Variants in SLC1A1 observed in about 807,000 individuals in gnomAD.
The protein encoded by SLC1A1 is solute carrier family 1 member 1, also known as excitatory amino acid transporter 3.
In SLC1A1, 43 loss-of-function variants were observed where a neutral mutation model predicts 53.3. The observed-to-expected ratio is 0.81, with a 90% confidence interval of 0.63 to 1.04. The LOEUF (loss-of-function observed/expected upper bound fraction) is 1.04, where lower values mean the gene tolerates loss of function less well. Among genes scored for constraint, SLC1A1 ranks in the 50% least tolerant of loss-of-function variants. SLC1A1 has a pLI of 0.00. For missense variants in SLC1A1, 748 were observed against 664.9 expected, an observed-to-expected ratio of 1.12 and a Z score of -1.37; for synonymous variants, 307 against 243.2, an observed-to-expected ratio of 1.26 and a Z score of -2.44.
At chr9:4,524,338 A>G (rs1308455335) in intron 1 of SLC1A1, among the ~76,000 whole-genome samples, 1 of 152,224 alleles carries the variant, frequency 6.6e-6, no homozygotes, top group African/African-American at 2.4e-5. Flanking sequence ...AGTTGAGCTA[A>G]TATGAATTGG....
chr9:4,504,011 G>T (rs1375557198), intron 1 of SLC1A1, among the ~76,000 whole-genome samples: 1 of 152,242 alleles, frequency 6.6e-6, no homozygotes, highest in Non-Finnish European at 1.5e-5. Flanking sequence ...CAGAAGAAGA[G>T]CAAGTCTGGT....
intron 2 of SLC1A1, among the ~76,000 whole-genome samples, chr9:4,546,400 G>A (rs1817497454): frequency 6.6e-6 from 1 of 151,892 alleles, no homozygotes; most frequent in South Asian, 2.1e-4. Context: ...AAGATTTCAT[G>A]TAAATATCCA....
chr9:4,514,137 A>G (rs1373015529), intron 1 of SLC1A1, among the ~76,000 whole-genome samples: 1 of 152,210 alleles, frequency 6.6e-6, no homozygotes, highest in Non-Finnish European at 1.5e-5. Context: ...GAATTTTAAC[A>G]TGTTAACCAT....
chr9:4,547,051 T>C (rs1049000301), intron 2 of SLC1A1, among the ~76,000 whole-genome samples: 1 of 152,222 alleles, frequency 6.6e-6, no homozygotes, highest in Non-Finnish European at 1.5e-5. Flanking sequence ...TAAAAATACA[T>C]GTATGAATGT....
At chr9:4,511,301 G>A (rs1411657113) in intron 1 of SLC1A1, among the ~76,000 whole-genome samples, 1 of 152,064 alleles carries the variant, frequency 6.6e-6, no homozygotes, top group East Asian at 1.9e-4. Flanking sequence ...CCCACCTCCT[G>A]GCTCATGAAT....
chr9:4,530,809 T>A (rs1348575761), intron 1 of SLC1A1, among the ~76,000 whole-genome samples: 1 of 152,238 alleles, frequency 6.6e-6, no homozygotes, highest in Non-Finnish European at 1.5e-5. Context: ...TGCAAAAGTG[T>A]TATTGCCTCT....
At chr9:4,500,454 C>G (rs1820594058) in intron 1 of SLC1A1, among the ~76,000 whole-genome samples, 1 of 152,078 alleles carries the variant, frequency 6.6e-6, no homozygotes, top group Non-Finnish European at 1.5e-5. Flanking sequence ...AGTACAGGTG[C>G]CTGCCACCAC....
chr9:4,534,274 T>C (rs1229260733), intron 1 of SLC1A1, among the ~76,000 whole-genome samples: 4 of 152,106 alleles, frequency 2.6e-5, no homozygotes, highest in African/African-American at 7.2e-5. Flanking sequence ...ATCCAGGAGC[T>C]GGTTTTTTGA....
intron 8 of SLC1A1, 48 bp downstream of exon 8, chr9:4,574,062 G>A: frequency 8.0e-7 from 1 of 1,257,280 alleles, no homozygotes; most frequent in South Asian, 1.2e-5. Flanking sequence ...TGATCTAATA[G>A]GATGGCCGCT....
chr9:4,513,743 G>C (rs1821070592), intron 1 of SLC1A1, among the ~76,000 whole-genome samples: 1 of 152,200 alleles, frequency 6.6e-6, no homozygotes, highest in African/African-American at 2.4e-5. Flanking sequence ...ACAAAAATCT[G>C]TATGTGAGTG....
rs572709526 is a variant in SLC1A1, at chr9:4,509,888, C to T, written c.91+19118C>T. ...TTGCTCTGTCCCCCAGGCTGGAGTG[C>T]AGTGGTATGATCTCAGCTCACTGCA... On this transcript the variant is annotated intron_variant, in intron 1 of 11. Transcript: ENST00000262352. 2.0e-5 allele frequency among the ~76,000 whole-genome samples: 3 copies of T among 152,298 alleles called. No individual in the cohort carries two copies. The South Asian group carries it at 6.2e-4, about 32-fold the overall frequency.
chr9:4,512,035 A>T (rs1821015896), intron 1 of SLC1A1, among the ~76,000 whole-genome samples: 1 of 152,266 alleles, frequency 6.6e-6, no homozygotes, highest in South Asian at 2.1e-4. Flanking sequence ...TGACAATTAT[A>T]AAACACTGAT....
intron 2 of SLC1A1, 72 bp downstream of exon 2, chr9:4,544,779 G>C: frequency 7.9e-7 from 1 of 1,259,744 alleles, no homozygotes; most frequent in Non-Finnish European, 1.2e-6. Context: ...CCTGAGACTA[G>C]GTAATTTATA....
At chr9:4,561,958 A>T (rs892454998) in intron 3 of SLC1A1, among the ~76,000 whole-genome samples, 1 of 150,376 alleles carries the variant, frequency 6.6e-6, no homozygotes, top group Non-Finnish European at 1.5e-5. Flanking sequence ...GGAGTCTTCT[A>T]TGTTGCCCAG....
At chr9:4,563,865 G>A (rs1001426668) in intron 3 of SLC1A1, among the ~76,000 whole-genome samples, 10 of 152,044 alleles carry the variant, frequency 6.6e-5, no homozygotes, top group South Asian at 2.1e-4. Context: ...GAAGACCTAC[G>A]GTATGGAAGG....
At chr9:4,528,920 C>A (rs1201921697) in intron 1 of SLC1A1, among the ~76,000 whole-genome samples, 1 of 152,150 alleles carries the variant, frequency 6.6e-6, no homozygotes, top group African/African-American at 2.4e-5. Flanking sequence ...CTGAACTCAT[C>A]ATCTTTAGAA....
At chr9:4,541,212 G>A (rs1340390079) in intron 1 of SLC1A1, among the ~76,000 whole-genome samples, 4 of 152,174 alleles carry the variant, frequency 2.6e-5, no homozygotes, top group Admixed American at 6.5e-5. Context: ...AAAAGGATCA[G>A]AATCCAGTTT....
intron 1 of SLC1A1, among the ~76,000 whole-genome samples, chr9:4,540,681 G>A (rs1368262304): frequency 6.6e-6 from 1 of 152,220 alleles, no homozygotes; most frequent in Non-Finnish European, 1.5e-5. Context: ...ACGGGTCCAA[G>A]TGAGTGGAGT....
At chr9:4,512,251 A>G (rs778231833) in intron 1 of SLC1A1, among the ~76,000 whole-genome samples, 1 of 152,124 alleles carries the variant, frequency 6.6e-6, no homozygotes, top group Non-Finnish European at 1.5e-5. Flanking sequence ...GGTGGCTCAC[A>G]CCTGTAATCC....
Sources: gnomAD v4.1 joint callset for allele counts (sites outside exome capture counted in the v4.1 genomes callset) on GRCh38, gnomAD v4.1.1 for gene constraint, MANE v1.5 for transcripts, NCBI Gene and HGNC (gene_info 2026-07-23, HGNC 2026-07-21) for gene names.